KIF26B: variants seen among roughly 807,000 people sequenced by gnomAD.
The protein encoded by KIF26B is kinesin-like protein KIF26B.
KIF26B carries 63 observed loss-of-function variants against 151.2 expected under a neutral mutation model. That is an observed-to-expected ratio of 0.42 (90% CI 0.34 to 0.51). The LOEUF (loss-of-function observed/expected upper bound fraction) is 0.51, where lower values mean the gene tolerates loss of function less well. KIF26B is among the 20% of genes least tolerant of loss of function. KIF26B has a pLI of 0.07. For synonymous variants in KIF26B, 1,357 were observed against 1,262.1 expected, an observed-to-expected ratio of 1.08 and a Z score of -1.59; for missense variants, 2,813 against 2,913.6, an observed-to-expected ratio of 0.97 and a Z score of 0.79.
At chr1:245,372,738 A>G (rs1673157453) in intron 3 of KIF26B, among the ~76,000 whole-genome samples, 3 of 152,228 alleles carry the variant, frequency 2.0e-5, no homozygotes, top group Admixed American at 2.0e-4. Context: ...GACTGTACAC[A>G]TAACACACGG....
chr1:245,612,097 TGTGTGTGTGAGA>T (rs1026796553), intron 9 of KIF26B, 121 bp downstream of exon 9: 155 of 654,260 alleles, frequency 2.4e-4, no homozygotes, highest in South Asian at 6.5e-4. Flanking sequence ...TGTGTGTGTG[TGTGTGTGTGAGA>T]GAGAGAGAGA....
intron 5 of KIF26B, among the ~76,000 whole-genome samples, chr1:245,592,157 C>G (rs530810943): frequency 1.3e-5 from 2 of 152,204 alleles, no homozygotes; most frequent in African/African-American, 4.8e-5. Flanking sequence ...TTTCCCGGCC[C>G]GGTTTTTAAT....
rs772693313 is a variant in KIF26B at position 245,684,259 on chromosome 1, G to A, written c.2285G>A (p.Arg762Gln). 21 of 1,613,698 alleles carry A rather than the reference G, an allele frequency of 1.3e-5. No homozygotes were observed. Among genetic ancestry groups the A allele is most frequent in the South Asian group, 4.4e-5 (4 of 91,058 alleles). Residue 762 changes from arginine (R) to glutamine (Q), a missense_variant, in exon 11 of 15, where the codon CGG becomes CAG. Physicochemically the swap from Arg to Gln is conservative, Grantham distance 43. Coordinates refer to ENST00000407071, the MANE Select transcript of KIF26B (RefSeq NM_018012.4). ...YKESKLAMLL[R>Q]ESLGNMNCRT... ...GAGAGCAAGCTCGCCATGTTGCTGC[G>A]GGAGTCTCTGGGGAACATGAACTGC...
At chr1:245,612,017 T>C in intron 9 of KIF26B, 41 bp downstream of exon 9, 1 of 1,592,762 alleles carries the variant, frequency 6.3e-7, no homozygotes, top group Non-Finnish European at 8.6e-7. Flanking sequence ...TTAGCGGCTC[T>C]GGCCCCAGCC....
intron 2 of KIF26B, among the ~76,000 whole-genome samples, chr1:245,347,577 C>T (rs1200811179): frequency 2.0e-5 from 3 of 152,222 alleles, no homozygotes; most frequent in African/African-American, 4.8e-5. Context: ...CTGTCTCCCC[C>T]TAAACGGATA....
intron 3 of KIF26B, among the ~76,000 whole-genome samples, chr1:245,388,032 C>A (rs1398783933): frequency 6.6e-6 from 1 of 152,122 alleles, no homozygotes; most frequent in Non-Finnish European, 1.5e-5. Flanking sequence ...GGAAAGTGAG[C>A]GGCAGAGTTG....
intron 5 of KIF26B, among the ~76,000 whole-genome samples, chr1:245,556,349 C>T (rs1256777564): frequency 9.2e-6 from 1 of 108,260 alleles, no homozygotes; most frequent in Non-Finnish European, 2.1e-5. Flanking sequence ...CTTCCTCCCT[C>T]CTCCTCCTCC....
intron 4 of KIF26B, among the ~76,000 whole-genome samples, chr1:245,442,820 G>A (rs111408688): frequency 2.1e-4 from 15 of 71,500 alleles, no homozygotes; most frequent in African/African-American, 6.7e-4. Context: ...CACCTACAGC[G>A]GTCATCTCCC....
At chr1:245,403,923 G>A (rs1186518900) in intron 3 of KIF26B, among the ~76,000 whole-genome samples, 3 of 152,148 alleles carry the variant, frequency 2.0e-5, no homozygotes, top group Non-Finnish European at 4.4e-5. Context: ...CAAGTGCTAC[G>A]TATTCTCAAT....
chr1:245,237,359 C>T (rs942768563), intron 2 of KIF26B, among the ~76,000 whole-genome samples: 1 of 152,188 alleles, frequency 6.6e-6, no homozygotes, highest in Non-Finnish European at 1.5e-5. Context: ...GGTCTGCCCT[C>T]CTGCCACCCA....
chr1:245,252,722 C>T (rs562492654), intron 2 of KIF26B, among the ~76,000 whole-genome samples: 19 of 151,992 alleles, frequency 1.3e-4, no homozygotes, highest in Non-Finnish European at 2.2e-4. Flanking sequence ...AATCCTAATT[C>T]CTCTTATTGA....
chr1:245,681,049 T>C (rs1231578327), intron 10 of KIF26B, among the ~76,000 whole-genome samples: 1 of 152,130 alleles, frequency 6.6e-6, no homozygotes, highest in East Asian at 1.9e-4. Context: ...AATCCATGTG[T>C]TAGACACACT....
intron 2 of KIF26B, among the ~76,000 whole-genome samples, chr1:245,273,382 C>G (rs1670884340): frequency 6.7e-6 from 1 of 149,254 alleles, no homozygotes; most frequent in Admixed American, 6.8e-5. Flanking sequence ...AGTGCCATGG[C>G]ACTCCTGCCT....
At chr1:245,175,150 G>A (rs1668780896) in intron 2 of KIF26B, among the ~76,000 whole-genome samples, 1 of 152,098 alleles carries the variant, frequency 6.6e-6, no homozygotes. Flanking sequence ...GCCATTAGAT[G>A]GTACAGTAAC....
intron 2 of KIF26B, among the ~76,000 whole-genome samples, chr1:245,226,340 T>G (rs1388949591): frequency 1.3e-5 from 2 of 152,142 alleles, no homozygotes; most frequent in East Asian, 3.9e-4. Context: ...TATTCCCTTG[T>G]CCCAGCAGAG....
chr1:245,586,542 A>G (rs1189737106), intron 5 of KIF26B, among the ~76,000 whole-genome samples: 3 of 152,100 alleles, frequency 2.0e-5, no homozygotes, highest in African/African-American at 4.8e-5. Context: ...TCATTCCTCT[A>G]TTCTTCCAGC....
intron 2 of KIF26B, among the ~76,000 whole-genome samples, chr1:245,256,356 C>T (rs991312865): frequency 6.6e-5 from 10 of 152,148 alleles, no homozygotes; most frequent in Non-Finnish European, 1.5e-4. Context: ...TCTCAGGACA[C>T]CTGGAAGCAA....
chr1:245,471,647 CT>C (rs746593921), intron 4 of KIF26B, among the ~76,000 whole-genome samples: 16 of 152,232 alleles, frequency 1.1e-4, no homozygotes, highest in Non-Finnish European at 2.4e-4. Flanking sequence ...ATCTCTATAT[CT>C]CTTAGAGCTG....
In KIF26B at chr1:245,611,814, C is replaced by T. The variant is rs1463339956; in HGVS notation, c.1936C>T (p.Arg646Trp). The T allele has an allele frequency of 5.6e-6, 9 of 1,613,496 alleles. No individual in the cohort carries two copies. Among genetic ancestry groups the T allele is most frequent in the South Asian group, 3.3e-5 (3 of 91,022 alleles). ...CCAGCTGCAGAACCAGAGCGAGCTG[C>T]GGGCCCCCACCGCAGAGAAGGCTGC... ...GTQLQNQSEL[R>W]APTAEKAAFF... Residue 646 changes from arginine to tryptophan, a missense_variant, in exon 9 of 15, where the codon CGG becomes TGG. Transcript: ENST00000407071.
Sources: allele counts gnomAD v4.1 joint callset (sites outside exome capture counted in the v4.1 genomes callset), GRCh38; gene constraint gnomAD v4.1.1; transcripts MANE v1.5; gene names NCBI Gene and HGNC (gene_info 2026-07-23, HGNC 2026-07-21).